IL2RB: variants seen among roughly 807,000 people sequenced by gnomAD.
IL2RB encodes interleukin 2 receptor subunit beta.
Under a neutral mutation model 44.2 loss-of-function variants are expected in IL2RB, and 17 were observed. The observed-to-expected ratio is 0.38, with a 90% CI of 0.26 to 0.58. The LOEUF (loss-of-function observed/expected upper bound fraction) is 0.58. IL2RB is among the 20% of genes least tolerant of loss of function. The probability of loss-of-function intolerance (pLI) is 0.63; values close to 1 mark genes in which losing one functional copy is unlikely to be tolerated. For missense variants in IL2RB, 624 were observed against 685.5 expected, an observed-to-expected ratio of 0.91 and a Z score of 1.00; for synonymous variants, 286 against 297.9, an observed-to-expected ratio of 0.96 and a Z score of 0.41.
intron 1 of IL2RB, 69 bp from the exon 2 acceptor site, chr22:37,144,274 G>A: frequency 6.8e-7 from 1 of 1,473,352 alleles, no homozygotes; most frequent in Non-Finnish European, 9.0e-7. Flanking sequence ...CCTAGAGGCA[G>A]GCTGGGCCCG....
At chr22:37,143,301 G>A (rs1922055153) in intron 3 of IL2RB, among the ~76,000 whole-genome samples, 1 of 152,030 alleles carries the variant, frequency 6.6e-6, no homozygotes, top group Non-Finnish European at 1.5e-5. Flanking sequence ...CTGCAGCCTG[G>A]ACTCCACCCA....
chr22:37,151,662 C>T (rs556818088), upstream of IL2RB, among the ~76,000 whole-genome samples: 8 of 152,262 alleles, frequency 5.3e-5, no homozygotes, highest in African/African-American at 1.9e-4. Flanking sequence ...AGAGTTTCCC[C>T]AATGTTCCTT....
At chr22:37,130,285 G>A (rs866750743) in intron 9 of IL2RB, among the ~76,000 whole-genome samples, 5 of 152,356 alleles carry the variant, frequency 3.3e-5, no homozygotes, top group South Asian at 4.1e-4. Context: ...GAGAGGGAGC[G>A]GCCAGGCCTG....
chr22:37,143,712 C>T, intron 2 of IL2RB, 77 bp from the exon 3 acceptor site: 2 of 1,016,120 alleles, frequency 2.0e-6, no homozygotes, highest in East Asian at 2.4e-5. Context: ...TGCCCCTGCA[C>T]CTGGCACCCA....
chr22:37,130,334 C>A (rs1921363188), intron 9 of IL2RB, among the ~76,000 whole-genome samples: 1 of 152,222 alleles, frequency 6.6e-6, no homozygotes, highest in Non-Finnish European at 1.5e-5. Context: ...CTGCCTGTGG[C>A]CAGCTACTTC....
At chr22:37,146,583 C>T (rs558704405) in intron 1 of IL2RB, among the ~76,000 whole-genome samples, 5 of 152,224 alleles carry the variant, frequency 3.3e-5, no homozygotes, top group Non-Finnish European at 7.3e-5. Flanking sequence ...CAAACGGGCC[C>T]TCATGCCTTT....
intron 1 of IL2RB, among the ~76,000 whole-genome samples, chr22:37,160,736 G>C (rs961687982): frequency 1.4e-5 from 2 of 144,932 alleles, no homozygotes; most frequent in African/African-American, 5.2e-5. Context: ...GTAATTCCCA[G>C]CTATTCGGGA....
At chr22:37,132,519 G>A (rs371618544) in intron 8 of IL2RB, 51 bp from the exon 9 acceptor site, 26 of 1,398,564 alleles carry the variant, frequency 1.9e-5, no homozygotes, top group South Asian at 3.5e-5. Context: ...GAAGGACCGC[G>A]GTGTTATGCC....
chr22:37,145,427 T>A (rs1922176617), intron 1 of IL2RB, among the ~76,000 whole-genome samples: 1 of 151,764 alleles, frequency 6.6e-6, no homozygotes, highest in African/African-American at 2.4e-5. Context: ...TTTATTTATT[T>A]ACTTTTTTTT....
intron 1 of IL2RB, among the ~76,000 whole-genome samples, chr22:37,159,125 C>T (rs1289908347): frequency 6.6e-6 from 1 of 152,130 alleles, no homozygotes; most frequent in Non-Finnish European, 1.5e-5. Flanking sequence ...CCAAAATCTG[C>T]GATCTTTCTC....
chr22:37,134,111 T>A (rs1271872035), intron 8 of IL2RB, among the ~76,000 whole-genome samples: 1 of 151,692 alleles, frequency 6.6e-6, no homozygotes, highest in Non-Finnish European at 1.5e-5. Context: ...ATTCAGCCAA[T>A]CTCTGATCAA....
chr22:37,170,941 A>T (rs977193489), intron 1 of IL2RB, among the ~76,000 whole-genome samples: 2 of 152,108 alleles, frequency 1.3e-5, no homozygotes, highest in African/African-American at 4.8e-5. Flanking sequence ...ATTATGGATG[A>T]GGGTGGATTT....
At chr22:37,143,743 G>A in intron 2 of IL2RB, 108 bp from the exon 3 acceptor site, 1 of 788,488 alleles carries the variant, frequency 1.3e-6, no homozygotes. Context: ...AGGAGGAGGT[G>A]GGTAACTCTG....
At chr22:37,142,402 C>A (rs1195277050) in intron 4 of IL2RB, 32 bp downstream of exon 4, 1 of 1,600,200 alleles carries the variant, frequency 6.2e-7, no homozygotes, top group Admixed American at 1.7e-5. Flanking sequence ...ACCACCCTCT[C>A]CCTGCACTCT....
In IL2RB at chr22:37,132,416, G is replaced by T; in HGVS notation, c.871C>A (p.Gln291Lys). ...NTPDPSKFFSQLSSEHGGDVQ... is the reference protein window; with the variant it reads ...NTPDPSKFFSKLSSEHGGDVQ... ...TCTCCTCCATGCTCTGAGCTCAGCTGGGAAAAGAACTTCGAGGGGTCTGGG... is the reference window on the plus strand; with the variant it reads ...TCTCCTCCATGCTCTGAGCTCAGCTTGGAAAAGAACTTCGAGGGGTCTGGG... Residue 291 changes from glutamine to lysine, a missense_variant, in exon 9 of 10, where the codon CAG becomes AAG. Physicochemically the swap from Gln to Lys is moderately conservative, Grantham distance 53. Around this residue, in one of 3 missense-constraint regions of IL2RB, gnomAD observed 255 missense variants for 339.9 expected, o/e 0.75. Coordinates refer to ENST00000216223, the MANE Select transcript of IL2RB (RefSeq NM_000878.5). 6.2e-7 allele frequency: 1 copy of T among 1,614,070 alleles called. No individual in the cohort carries two copies.
At chr22:37,150,433 T>C (rs140354608), upstream of IL2RB, among the ~76,000 whole-genome samples, 4 of 152,306 alleles carry the variant, frequency 2.6e-5, no homozygotes, top group East Asian at 7.7e-4. Flanking sequence ...ATGACTGTTT[T>C]TTTTAGTTTT....
chr22:37,134,977 C>T (rs1015326556), intron 8 of IL2RB, among the ~76,000 whole-genome samples: 2 of 152,142 alleles, frequency 1.3e-5, no homozygotes, highest in African/African-American at 2.4e-5. Flanking sequence ...CATGTGCACA[C>T]GGGCATCCCC....
chr22:37,146,404 G>A (rs1014553533), intron 1 of IL2RB, among the ~76,000 whole-genome samples: 3 of 152,066 alleles, frequency 2.0e-5, no homozygotes, highest in African/African-American at 7.2e-5. Flanking sequence ...GCCCTCACAG[G>A]AGCAGGTGCA....
At chr22:37,143,096 C>G (rs1922046905) in intron 3 of IL2RB, among the ~76,000 whole-genome samples, 2 of 152,190 alleles carry the variant, frequency 1.3e-5, no homozygotes, top group Admixed American at 6.5e-5. Context: ...GGCACCCAAA[C>G]CACTCCCAGG....
Sources: gnomAD v4.1 joint callset for allele counts (sites outside exome capture counted in the v4.1 genomes callset) on GRCh38, gnomAD v4.1.1 for gene constraint, gnomAD v4.1.1 regional missense constraint, MANE v1.5 for transcripts, NCBI Gene and HGNC (gene_info 2026-07-23, HGNC 2026-07-21) for gene names.